PDE7B: variants seen among roughly 807,000 people sequenced by gnomAD.
PDE7B encodes the protein phosphodiesterase 7B, also known as 3',5'-cyclic-AMP phosphodiesterase 7B.
A neutral mutation model predicts 56.2 loss-of-function variants in PDE7B; 29 were observed. That is an observed-to-expected ratio of 0.52 (90% CI 0.38 to 0.70). The LOEUF (loss-of-function observed/expected upper bound fraction) is 0.70. Among genes scored for constraint, PDE7B ranks in the 30% least tolerant of loss-of-function variants. PDE7B has a pLI of 0.00. For missense variants in PDE7B, 490 were observed against 565.0 expected, an observed-to-expected ratio of 0.87 and a Z score of 1.35; for synonymous variants, 197 against 196.9, an observed-to-expected ratio of 1.00 and a Z score of 0.00.
At chr6:135,967,539 C>G (rs112859245) in intron 2 of PDE7B, among the ~76,000 whole-genome samples, 26 of 152,158 alleles carry the variant, frequency 1.7e-4, no homozygotes, top group African/African-American at 5.1e-4. Flanking sequence ...GTGAAGGAGA[C>G]AGTCCTGAAA....
At chr6:135,920,037 G>T (rs1003260978) in intron 1 of PDE7B, among the ~76,000 whole-genome samples, 1 of 151,874 alleles carries the variant, frequency 6.6e-6, no homozygotes, top group Admixed American at 6.6e-5. Flanking sequence ...GACCCTAAAA[G>T]GTTATATTCT....
intron 2 of PDE7B, among the ~76,000 whole-genome samples, chr6:136,082,124 G>T (rs1024190572): frequency 4.6e-5 from 7 of 152,200 alleles, no homozygotes; most frequent in African/African-American, 1.7e-4. Context: ...ATGTAAGGTT[G>T]TTTCCTGTGG....
chr6:136,166,747 G>T (rs752175883), intron 8 of PDE7B, among the ~76,000 whole-genome samples: 1 of 152,094 alleles, frequency 6.6e-6, no homozygotes, highest in Non-Finnish European at 1.5e-5. Flanking sequence ...ATGAGATTTG[G>T]CTGGGGACAC....
At chr6:135,889,400 G>A (rs983484479) in intron 1 of PDE7B, among the ~76,000 whole-genome samples, 1 of 151,528 alleles carries the variant, frequency 6.6e-6, no homozygotes, top group Non-Finnish European at 1.5e-5. Context: ...AAAGTGCTGG[G>A]ATTACAGGTG....
chr6:135,963,726 AG>A (rs113892069), intron 2 of PDE7B, among the ~76,000 whole-genome samples: 2,019 of 152,308 alleles, frequency 0.013, 53 homozygotes, highest in African/African-American at 0.045. Context: ...AAACATGGAA[AG>A]GAAAGGTGAT....
At chr6:135,906,811 T>G (rs868640819) in intron 1 of PDE7B, among the ~76,000 whole-genome samples, 4 of 45,196 alleles carry the variant, frequency 8.9e-5, no homozygotes, top group Non-Finnish European at 1.8e-4. Flanking sequence ...ATGAGGTTTG[T>G]TTTTTTTTTT....
chr6:136,160,883 T>A (rs1265145374), intron 8 of PDE7B, among the ~76,000 whole-genome samples: 1 of 151,960 alleles, frequency 6.6e-6, no homozygotes, highest in African/African-American at 2.4e-5. Context: ...GGTGCAGGAG[T>A]ATAGAAGATG....
chr6:135,920,718 G>A (rs1317118491), intron 1 of PDE7B, among the ~76,000 whole-genome samples: 7 of 152,220 alleles, frequency 4.6e-5, no homozygotes, highest in Non-Finnish European at 1.0e-4. Flanking sequence ...AACTTAGCCT[G>A]AGTCTGTGAT....
chr6:136,134,504 G>A (rs1278181765), intron 3 of PDE7B, among the ~76,000 whole-genome samples: 1 of 152,056 alleles, frequency 6.6e-6, no homozygotes, highest in African/African-American at 2.4e-5. Context: ...CGCCTGGCAT[G>A]TATTTCTTCT....
intron 2 of PDE7B, among the ~76,000 whole-genome samples, chr6:135,987,826 GAC>G (rs1238699574): frequency 2.7e-5 from 4 of 150,472 alleles, no homozygotes; most frequent in Non-Finnish European, 3.0e-5. Flanking sequence ...AAATAATAAA[GAC>G]ACACACACAC....
intron 2 of PDE7B, among the ~76,000 whole-genome samples, chr6:136,091,489 T>C (rs1224926920): frequency 6.6e-6 from 1 of 152,248 alleles, no homozygotes; most frequent in African/African-American, 2.4e-5. Flanking sequence ...TTGTTTTAAA[T>C]AACGGTTCCC....
intron 3 of PDE7B, among the ~76,000 whole-genome samples, chr6:136,126,231 G>A (rs183471599): frequency 7.6e-4 from 116 of 152,208 alleles, no homozygotes; most frequent in Middle Eastern, 3.4e-3. Context: ...TCCTAAGAAG[G>A]CGAACAACTT....
At chr6:135,922,850 T>C (rs185463539) in intron 1 of PDE7B, among the ~76,000 whole-genome samples, 2 of 152,308 alleles carry the variant, frequency 1.3e-5, no homozygotes. Flanking sequence ...CTTTATAGAC[T>C]TGATGAGGCA....
At chr6:136,121,254 T>G (rs1417197224) in intron 3 of PDE7B, among the ~76,000 whole-genome samples, 1 of 152,130 alleles carries the variant, frequency 6.6e-6, no homozygotes, top group Non-Finnish European at 1.5e-5. Context: ...AATGCTAATC[T>G]TTTCTCCCAA....
intron 2 of PDE7B, among the ~76,000 whole-genome samples, chr6:136,051,141 C>T (rs929925156): frequency 6.7e-6 from 1 of 148,966 alleles, no homozygotes; most frequent in African/African-American, 2.5e-5. Flanking sequence ...GGAGTGGGGG[C>T]GGGCAGAGAT....
chr6:136,024,307 G>A (rs999223153), intron 2 of PDE7B, among the ~76,000 whole-genome samples: 1 of 152,156 alleles, frequency 6.6e-6, no homozygotes, highest in Non-Finnish European at 1.5e-5. Context: ...GTGAGGTAAA[G>A]GGCCCAGCAG....
At chr6:136,048,986 A>G (rs1438102876) in intron 2 of PDE7B, 2 of 152,250 alleles carry the variant, frequency 1.3e-5, no homozygotes, top group Admixed American at 1.3e-4. Context: ...ATGCTGTTCC[A>G]GTCATGTTCA....
chr6:136,038,247 GCAC>G (rs759173693), intron 2 of PDE7B: 19 of 1,299,856 alleles, frequency 1.5e-5, no homozygotes, highest in East Asian at 1.1e-4. Context: ...AGCAGCAGCA[GCAC>G]CACCACCACC....
At chr6:135,935,808 C>T (rs932863074) in intron 1 of PDE7B, among the ~76,000 whole-genome samples, 2 of 152,202 alleles carry the variant, frequency 1.3e-5, no homozygotes, top group Non-Finnish European at 2.9e-5. Flanking sequence ...TTTTCTAGCT[C>T]TAGCTTGGGA....
Sources: allele counts gnomAD v4.1 joint callset (sites outside exome capture counted in the v4.1 genomes callset), GRCh38; gene constraint gnomAD v4.1.1; transcripts MANE v1.5; gene names NCBI Gene and HGNC (gene_info 2026-07-23, HGNC 2026-07-21).